The following PABPC4L variants were observed in gnomAD, a reference collection of about 807,000 sequenced individuals.
PABPC4L encodes polyadenylate-binding protein 4-like.
For synonymous variants in PABPC4L, 169 were observed against 164.1 expected, an observed-to-expected ratio of 1.03 and a Z score of -0.23; for missense variants, 452 against 451.4, an observed-to-expected ratio of 1.00 and a Z score of -0.01.
chr4:134,102,689 A>G, the PABPC4L span, among the ~76,000 whole-genome samples: 1 of 151,644 alleles, frequency 6.6e-6, no homozygotes, highest in African/African-American at 2.4e-5. Flanking sequence ...TGAAGTTTTA[A>G]GTGATCTATT....
the PABPC4L span, among the ~76,000 whole-genome samples, chr4:134,123,347 C>T: frequency 6.6e-6 from 1 of 151,922 alleles, no homozygotes; most frequent in Non-Finnish European, 1.5e-5. Flanking sequence ...AAGAAGCACA[C>T]AAATGAGAAA....
the PABPC4L span, among the ~76,000 whole-genome samples, chr4:134,190,938 C>T: frequency 1.3e-5 from 2 of 152,164 alleles, no homozygotes; most frequent in African/African-American, 2.4e-5. Context: ...AGGCGTGAGG[C>T]TCTGCACTCA....
At chr4:134,061,988 A>G in the PABPC4L span, among the ~76,000 whole-genome samples, 17 of 152,062 alleles carry the variant, frequency 1.1e-4, no homozygotes, top group South Asian at 2.1e-4. Flanking sequence ...AAAATGCAAT[A>G]AACATACAAC....
chr4:134,056,495 A>AT, the PABPC4L span, among the ~76,000 whole-genome samples: 2 of 151,732 alleles, frequency 1.3e-5, no homozygotes, highest in Non-Finnish European at 2.9e-5. Flanking sequence ...ATCTATTTAC[A>AT]TTTTTCATTT....
At chr4:134,138,070 A>C in the PABPC4L span, among the ~76,000 whole-genome samples, 1 of 151,720 alleles carries the variant, frequency 6.6e-6, no homozygotes, top group Admixed American at 6.6e-5. Context: ...CCATTTTCAA[A>C]GAGTTAAGAT....
chr4:134,114,913 T>C, the PABPC4L span, among the ~76,000 whole-genome samples: 1 of 151,888 alleles, frequency 6.6e-6, no homozygotes, highest in Non-Finnish European at 1.5e-5. Flanking sequence ...TTGTAGTCAA[T>C]TTATTTCAAA....
the PABPC4L span, among the ~76,000 whole-genome samples, chr4:133,968,731 AAAAACTTATAATGCTGGAG>A: frequency 6.6e-6 from 1 of 152,210 alleles, no homozygotes; most frequent in African/African-American, 2.4e-5. Context: ...TGACATAAAG[AAAAACTTATAATGCTGGAG>A]AAATGATGAA....
At chr4:134,016,532 C>T in the PABPC4L span, among the ~76,000 whole-genome samples, 1,545 of 152,232 alleles carry the variant, frequency 0.01, 32 homozygotes, top group African/African-American at 0.036. Context: ...ATATCCCTCA[C>T]TTTCAGTTTT....
the PABPC4L span, among the ~76,000 whole-genome samples, chr4:133,956,611 G>A: frequency 6.6e-6 from 1 of 152,094 alleles, no homozygotes; most frequent in Non-Finnish European, 1.5e-5. Context: ...CTATGCACTG[G>A]GAGGAAAGGA....
the PABPC4L span, among the ~76,000 whole-genome samples, chr4:133,972,436 C>T: frequency 2.5e-4 from 38 of 152,236 alleles, 1 homozygote; most frequent in East Asian, 7.4e-3. Flanking sequence ...CACTCCAAGA[C>T]TGAAGCATCC....
chr4:134,190,760 T>C, the PABPC4L span, among the ~76,000 whole-genome samples: 4 of 152,220 alleles, frequency 2.6e-5, no homozygotes, highest in South Asian at 8.3e-4. Context: ...CAAGCCATTA[T>C]CTTGCCTCAG....
chr4:134,112,404 AT>A, the PABPC4L span, among the ~76,000 whole-genome samples: 1 of 151,848 alleles, frequency 6.6e-6, no homozygotes, highest in Non-Finnish European at 1.5e-5. Context: ...TGTACTCCAT[AT>A]GTCAATATAC....
At chr4:134,068,016 C>G in the PABPC4L span, among the ~76,000 whole-genome samples, 1 of 152,050 alleles carries the variant, frequency 6.6e-6, no homozygotes, top group Admixed American at 6.6e-5. Flanking sequence ...GCAGAGTGCT[C>G]TTTAGATATT....
the PABPC4L span, among the ~76,000 whole-genome samples, chr4:134,009,489 T>C: frequency 1.3e-5 from 2 of 152,158 alleles, no homozygotes; most frequent in East Asian, 3.9e-4. Flanking sequence ...GAATTAAATA[T>C]ATTGGCTACA....
At chr4:133,989,842 C>T in the PABPC4L span, among the ~76,000 whole-genome samples, 6 of 152,082 alleles carry the variant, frequency 3.9e-5, no homozygotes, top group South Asian at 4.1e-4. Context: ...TTAATTGACT[C>T]ACAATCCTGC....
At chr4:134,035,190 TG>T in the PABPC4L span, among the ~76,000 whole-genome samples, 9 of 152,110 alleles carry the variant, frequency 5.9e-5, no homozygotes, top group Non-Finnish European at 1.0e-4. Context: ...GTATGTAACT[TG>T]TCTTTTTTAG....
chr4:134,200,308 C>T lies in PABPC4L; in HGVS notation c.712G>A (p.Asp238Asn). The T allele has an allele frequency of 6.3e-7, 1 of 1,589,494 alleles. No homozygotes were observed. The highest frequency in any genetic ancestry group is 8.6e-7 in the Non-Finnish European group (1 of 1,166,612). ...GCTTTCTTGGCAGCCTCATGGCTAT[C>T]AAAACTCACAAAGCCAAAGCCTTTG... ...KSKGFGFVSF[D>N]SHEAAKKAVE... Residue 238 changes from aspartate to asparagine, a missense_variant, in exon 2 of 2, where the codon GAT (aspartate) becomes AAT (asparagine). Asp to Asn is a conservative substitution (Grantham distance 23). Coordinates refer to ENST00000421491, the MANE Select transcript of PABPC4L (RefSeq NM_001114734.2).
rs768418129 is a variant in PABPC4L at position 134,199,952 on chromosome 4, G to A, written c.1068C>T (p.Ile356=). The part of the protein sequence containing the change: ...TKAMTEMNGR[I]LGSKPLSIAL... ...CAATGCTAAGAGGTTTGGAGCCCAA[G>A]ATGCGGCCATTCATCTCAGTCATTG... is the stretch of plus-strand genomic sequence containing the variant. Residue 356 remains isoleucine (I), a synonymous_variant, in exon 2 of 2, where the codon ATC becomes ATT. Coordinates refer to ENST00000421491, the MANE Select transcript of PABPC4L (RefSeq NM_001114734.2). 1.5e-5 allele frequency: 23 copies of A among 1,551,526 alleles called. No individual in the cohort carries two copies. Among genetic ancestry groups the A allele is most frequent in the Non-Finnish European group, 1.8e-5 (21 of 1,146,980 alleles).
At chr4:134,185,969 C>A in the PABPC4L span, among the ~76,000 whole-genome samples, 1 of 152,114 alleles carries the variant, frequency 6.6e-6, no homozygotes, top group Non-Finnish European at 1.5e-5. Flanking sequence ...CCTACGAATC[C>A]AACTTACAAG....
Sources: gnomAD v4.1 joint callset for allele counts (sites outside exome capture counted in the v4.1 genomes callset) on GRCh38, gnomAD v4.1.1 for gene constraint, MANE v1.5 for transcripts, NCBI Gene and HGNC (gene_info 2026-07-23, HGNC 2026-07-21) for gene names.